The following IL36B variants were observed in gnomAD, a reference collection of about 807,000 sequenced individuals.
IL36B encodes interleukin 36 beta.
IL36B carries 23 observed loss-of-function variants against 19.3 expected under a neutral mutation model. The ratio of observed to expected loss-of-function variants is 1.19; its 90% CI spans 0.86 to 1.69. The LOEUF (loss-of-function observed/expected upper bound fraction) is 1.69. Among genes scored for constraint, IL36B ranks in the 40% most tolerant of loss-of-function variants. The pLI is 0.00. For synonymous variants in IL36B, 59 were observed against 59.7 expected, an observed-to-expected ratio of 0.99 and a Z score of 0.05; for missense variants, 217 against 200.5, an observed-to-expected ratio of 1.08 and a Z score of -0.50.
At chr2:113,029,377 C>T (rs1685031779) in intron 3 of IL36B, among the ~76,000 whole-genome samples, 1 of 152,112 alleles carries the variant, frequency 6.6e-6, no homozygotes. Flanking sequence ...TCTCATGGGC[C>T]ACAATATGAG....
intron 1 of IL36B, among the ~76,000 whole-genome samples, chr2:113,047,502 G>T (rs1052447045): frequency 6.6e-6 from 1 of 152,164 alleles, no homozygotes; most frequent in African/African-American, 2.4e-5. Context: ...CTCTTGGCAA[G>T]AATTTGATCC....
intron 4 of IL36B, chr2:113,028,108 T>G (rs529658496): frequency 6.2e-7 from 1 of 1,613,074 alleles, no homozygotes; most frequent in African/African-American, 1.3e-5. Flanking sequence ...GTCCATGATA[T>G]TTTTTTCCTG....
At chr2:113,051,267 G>C (rs1340662578) in intron 1 of IL36B, among the ~76,000 whole-genome samples, 1 of 152,258 alleles carries the variant, frequency 6.6e-6, no homozygotes, top group Non-Finnish European at 1.5e-5. Flanking sequence ...CAGTCCGGCG[G>C]AGGCGAGTCC....
At chr2:113,037,891 C>A (rs1481585508) in intron 1 of IL36B, among the ~76,000 whole-genome samples, 1 of 152,124 alleles carries the variant, frequency 6.6e-6, no homozygotes, top group Non-Finnish European at 1.5e-5. Context: ...GAAATTAGGT[C>A]AGATTAATTA....
intron 1 of IL36B, among the ~76,000 whole-genome samples, chr2:113,042,588 T>G (rs1685278862): frequency 6.6e-6 from 1 of 152,246 alleles, no homozygotes; most frequent in Non-Finnish European, 1.5e-5. Flanking sequence ...GATCCCCCAG[T>G]ATATAATTGA....
chr2:113,045,946 C>G (rs1317684182), intron 1 of IL36B, among the ~76,000 whole-genome samples: 1 of 152,162 alleles, frequency 6.6e-6, no homozygotes, highest in Non-Finnish European at 1.5e-5. Context: ...TCTCCTCATA[C>G]TGTGTCTGAA....
rs186808037 is a variant in IL36B, at chr2:113,051,265, C to T, written c.-58+1552G>A. On this transcript the variant is annotated intron_variant, in intron 1 of 5. Transcript: ENST00000259213. ...GCAATGGTCAAACTACACAGTCCGG[C>T]GGAGGCGAGTCCGCAGGCTCTGGAA... Among the ~76,000 whole-genome samples the T allele has an allele frequency of 2.9e-3, 448 of 152,332 alleles. 9 individuals carry two copies. The highest frequency in any genetic ancestry group is 0.027 in the Admixed American group (406 of 15,304).
At chr2:113,029,109 T>A in intron 3 of IL36B, 31 bp from the exon 4 acceptor site, 1 of 1,603,602 alleles carries the variant, frequency 6.2e-7, no homozygotes, top group Non-Finnish European at 8.5e-7. Flanking sequence ...GGAGAAGATG[T>A]TTCAGTCTTT....
chr2:113,031,671 A>G, intron 2 of IL36B, 26 bp downstream of exon 2: 2 of 1,598,120 alleles, frequency 1.3e-6, no homozygotes, highest in Non-Finnish European at 1.7e-6. Context: ...AGATATTTCC[A>G]AGCTGATTTG....
At chr2:113,027,883 A>G in intron 4 of IL36B, 2 of 1,613,418 alleles carry the variant, frequency 1.2e-6, no homozygotes, top group Non-Finnish European at 1.7e-6. Context: ...GGAACCAGCC[A>G]CCCACAGCCT....
At chr2:113,029,194 C>T (rs1685023241) in intron 3 of IL36B, 116 bp from the exon 4 acceptor site, 5 of 941,484 alleles carry the variant, frequency 5.3e-6, no homozygotes, top group Non-Finnish European at 7.9e-6. Context: ...GTGGCAGAGA[C>T]CCTCCATCAC....
intron 4 of IL36B, chr2:113,026,255 G>A: frequency 6.2e-7 from 1 of 1,613,056 alleles, no homozygotes; most frequent in Non-Finnish European, 8.5e-7. Context: ...AATGTTCAAT[G>A]TTGCTGAGAT....
At chr2:113,046,543 A>G (rs552220720) in intron 1 of IL36B, among the ~76,000 whole-genome samples, 8 of 151,652 alleles carry the variant, frequency 5.3e-5, no homozygotes, top group Admixed American at 5.2e-4. Flanking sequence ...TTTTTGTTCC[A>G]CCATTCCATC....
intron 1 of IL36B, among the ~76,000 whole-genome samples, chr2:113,041,286 G>A (rs1257608630): frequency 2.6e-5 from 4 of 152,152 alleles, no homozygotes; most frequent in Non-Finnish European, 4.4e-5. Context: ...AGCATGAGGA[G>A]TGATAAATAA....
At chr2:113,034,005 T>C (rs1685124605) in intron 1 of IL36B, among the ~76,000 whole-genome samples, 1 of 152,232 alleles carries the variant, frequency 6.6e-6, no homozygotes, top group Non-Finnish European at 1.5e-5. Flanking sequence ...CTTCTGTTCT[T>C]ACCTCCCTAG....
In IL36B at chr2:113,022,523, A is replaced by T. The variant is rs1001732610; in HGVS notation, c.*151T>A. The stretch of plus-strand genomic sequence containing the variant: ...CTAGCTTTACAGGTAAGATTTACCA[A>T]CTCTTTAAAAATACATAGTGTCCTT... On this transcript the variant is annotated 3_prime_UTR_variant, in exon 6 of 6. Coordinates refer to ENST00000259213, the MANE Select transcript of IL36B (RefSeq NM_014438.5). The T allele has an allele frequency of 3.4e-6, 2 of 584,534 alleles. No homozygotes were observed. Among genetic ancestry groups the T allele is most frequent in the African/African-American group, 3.8e-5 (2 of 53,214 alleles). 36.2% of individuals were successfully genotyped at this position (584,534 alleles called of 1,614,324 possible). A position where few individuals can be genotyped will look rare whatever the true frequency, so the allele number is the denominator to read the frequency against.
intron 3 of IL36B, among the ~76,000 whole-genome samples, chr2:113,030,706 C>T (rs1293404564): frequency 3.3e-5 from 5 of 151,408 alleles, no homozygotes; most frequent in Admixed American, 6.6e-5. Flanking sequence ...GGAAAGATGA[C>T]GGAGTTTGAA....
chr2:113,037,095 G>A (rs1685178792), intron 1 of IL36B, among the ~76,000 whole-genome samples: 1 of 152,216 alleles, frequency 6.6e-6, no homozygotes, highest in African/African-American at 2.4e-5. Flanking sequence ...CCAGGTGGCC[G>A]CTCCCTCTGT....
intron 1 of IL36B, among the ~76,000 whole-genome samples, chr2:113,049,680 C>T (rs925035750): frequency 6.6e-5 from 10 of 152,080 alleles, no homozygotes; most frequent in African/African-American, 1.9e-4. Context: ...TTGGGTGGGG[C>T]GTGATGGCTT....
Sources: gnomAD v4.1 joint callset for allele counts (sites outside exome capture counted in the v4.1 genomes callset) on GRCh38, gnomAD v4.1.1 for gene constraint, MANE v1.5 for transcripts, NCBI Gene and HGNC (gene_info 2026-07-23, HGNC 2026-07-21) for gene names.